TTN: variants seen among roughly 807,000 people sequenced by gnomAD.
TTN encodes the protein titin, also known as connectin.
A neutral mutation model predicts 3,223.0 loss-of-function variants in TTN; 1,525 were observed. The observed-to-expected ratio is 0.47, with a 90% CI of 0.45 to 0.49. The LOEUF (loss-of-function observed/expected upper bound fraction) is 0.49. Ranked by LOEUF, TTN falls within the 20% of genes least tolerant of loss-of-function variation. The pLI is 0.00. For missense variants in TTN, 40,786 were observed against 43,424.0 expected (o/e 0.94, Z 5.40); for synonymous variants, 14,094 against 15,161.0 (o/e 0.93, Z 5.17).
intron 326 of TTN, among the ~76,000 whole-genome samples, 185 bp downstream of exon 326, chr2:178,559,125 GT>G (rs1394918001): frequency 6.6e-6 from 1 of 151,664 alleles, no homozygotes; most frequent in African/African-American, 2.4e-5. Flanking sequence ...GTAAATTTCT[GT>G]TTTTTTAATC....
intron 307 of TTN, 78 bp from the exon 308 acceptor site, chr2:178,586,885 A>C: frequency 6.5e-7 from 1 of 1,548,064 alleles, no homozygotes; most frequent in Non-Finnish European, 8.7e-7. Context: ...TAAGAGTTTT[A>C]GTATGGATTT....
Position 178,732,609 on chromosome 2 carries a change from A to G in TTN, c.16452T>C (p.Phe5484=), listed in dbSNP as rs1310042942. 1 of 1,613,600 alleles carries G rather than the reference A, an allele frequency of 6.2e-7. No homozygotes were observed. Among genetic ancestry groups the G allele is most frequent in the South Asian group, 1.1e-5 (1 of 91,068 alleles). ...QGSTPLTIRW[F]KGNKELVSGG... Reference sequence around the variant, plus strand: ...CAGAAACCAGCTCTTTGTTGCCCTTAAACCATCTGATTGTGAGAGGAGTAG... The same window carrying G: ...CAGAAACCAGCTCTTTGTTGCCCTTGAACCATCTGATTGTGAGAGGAGTAG... The change falls in exon 56 of 363, where the codon TTT becomes TTC. Residue 5484 remains phenylalanine (F), a synonymous_variant. Coordinates refer to ENST00000589042, the MANE Select transcript of TTN (RefSeq NM_001267550.2).
chr2:178,673,315 G>A (rs1007467007), intron 152 of TTN, among the ~76,000 whole-genome samples: 10 of 151,702 alleles, frequency 6.6e-5, no homozygotes, highest in African/African-American at 2.4e-4. Context: ...AGAAAACTCC[G>A]TTCCACTTAT....
rs768519558 is a variant in TTN at position 178,728,923 on chromosome 2, A to C, written c.19115T>G (p.Val6372Gly). 6.2e-7 allele frequency: 1 copy of C among 1,609,348 alleles called. No homozygotes were observed. Among genetic ancestry groups the C allele is most frequent in the East Asian group, 2.2e-5 (1 of 44,722 alleles). Residue 6372 changes from valine (V) to glycine (G), a missense_variant, in exon 65 of 363, where the codon GTT (valine) becomes GGT (glycine). Coordinates refer to ENST00000589042, the MANE Select transcript of TTN (RefSeq NM_001267550.2). ...YTCQAKNESG[V>G]ERCYAFLLVQ... ...TAAAAGGAAAGCATAACACCTCTCAACTCCTGACTCATTCTTGGCTTGACA... is the reference window on the plus strand; with the variant it reads ...TAAAAGGAAAGCATAACACCTCTCACCTCCTGACTCATTCTTGGCTTGACA...
In TTN at chr2:178,573,732, C is replaced by A; in HGVS notation, c.72400G>T (p.Glu24134Ter). The part of the protein sequence containing the change: ...GPPEGPLAVT[E>*]VTSEKCVLSW... ...AGTACACACTTTTCTGATGTCACTTCAGTTACAGCCAAAGGTCCTTCAGGT... is the reference window on the plus strand; with the variant it reads ...AGTACACACTTTTCTGATGTCACTTAAGTTACAGCCAAAGGTCCTTCAGGT... The change falls in exon 326 of 363, where the codon GAA becomes TAA. Residue 24134 changes from glutamate (E) to a stop codon, truncating the protein, a stop_gained. Coordinates refer to ENST00000589042, the MANE Select transcript of TTN (RefSeq NM_001267550.2). LOFTEE classifies it high-confidence loss of function. 1 of 1,558,084 alleles carries A rather than the reference C, an allele frequency of 6.4e-7. No homozygotes were observed. The highest frequency in any genetic ancestry group is 1.2e-5 in the South Asian group (1 of 80,634).
At chr2:178,799,301 C>T (rs2093929702) in intron 6 of TTN, 186 bp downstream of exon 6, 2 of 865,268 alleles carry the variant, frequency 2.3e-6, no homozygotes, top group Non-Finnish European at 3.5e-6. Context: ...GCTGGATGTC[C>T]AGAGGAACAC....
At position 178,550,161 on chromosome 2, in the gene TTN, A is replaced by C. The variant is rs771024334; in HGVS notation, c.91677T>G (p.Thr30559=). 1 of 1,613,686 alleles carries C rather than the reference A, an allele frequency of 6.2e-7. No homozygotes were observed. The part of the protein sequence containing the change: ...LVQGRPVPRV[T]WFKDGVEIEK... Reference sequence around the variant, plus strand: ...CGATTTCCACTCCATCTTTGAACCAAGTTACTCGAGGCACTGGTCTTCCTT... The same window carrying C: ...CGATTTCCACTCCATCTTTGAACCACGTTACTCGAGGCACTGGTCTTCCTT... The change falls in exon 337 of 363, where the codon ACT becomes ACG. Residue 30559 remains threonine (T), a synonymous_variant. Transcript: ENST00000589042.
intron 47 of TTN, chr2:178,743,020 T>C (rs2082773557): frequency 6.6e-6 from 1 of 152,060 alleles, no homozygotes; most frequent in African/African-American, 2.4e-5. Context: ...TTTTACATAT[T>C]AATGGTGATC....
chr2:178,644,726 T>C (rs558518768), intron 217 of TTN, 110 bp from the exon 218 acceptor site: 2 of 804,116 alleles, frequency 2.5e-6, no homozygotes, highest in African/African-American at 1.8e-5. Context: ...CCAGAAAGCA[T>C]TAATAACAGC....
rs376050991 is a variant in TTN at position 178,639,771 on chromosome 2, G to A, written c.40804C>T (p.Pro13602Ser). The A allele has an allele frequency of 9.4e-6, 15 of 1,596,860 alleles. No homozygotes were observed. The highest frequency in any genetic ancestry group is 1.3e-5 in the Non-Finnish European group (15 of 1,173,498). ...KPEAEVKTIK[P>S]PPVEPEPTPI... is the part of the protein sequence containing the mutation. Reference sequence around the variant, plus strand: ...GTTGGTTCAGGTTCCACAGGAGGTGGTTTGATTGTTTTCACTTCTGTAGAG... The same window carrying A: ...GTTGGTTCAGGTTCCACAGGAGGTGATTTGATTGTTTTCACTTCTGTAGAG... The change falls in exon 223 of 363, where the codon CCA becomes TCA. Residue 13602 changes from proline to serine, a missense_variant. Coordinates refer to ENST00000589042, the MANE Select transcript of TTN (RefSeq NM_001267550.2).
chr2:178,562,346 C>T lies in TTN; in HGVS notation c.83786G>A (p.Gly27929Glu), dbSNP rs1273912998. ...LEATISGLTA[G>E]EEYVFRVAAV... ...AGCTACCCTGAAGACATACTCTTCTCCTGCAGTTAAGCCAGATATAGTTGC... is the reference window on the plus strand; with the variant it reads ...AGCTACCCTGAAGACATACTCTTCTTCTGCAGTTAAGCCAGATATAGTTGC... The change falls in exon 326 of 363, where the codon GGA (glycine) becomes GAA (glutamate). Residue 27929 changes from glycine (G) to glutamate (E), a missense_variant. Coordinates refer to ENST00000589042, the MANE Select transcript of TTN (RefSeq NM_001267550.2). 9.9e-6 allele frequency: 16 copies of T among 1,611,198 alleles called. No individual in the cohort carries two copies. Among genetic ancestry groups the T allele is most frequent in the Admixed American group, 1.7e-5 (1 of 59,702 alleles).
chr2:178,558,011 A>C lies in TTN; in HGVS notation c.87343T>G (p.Tyr29115Asp). Residue 29115 changes from tyrosine (Y) to aspartate (D), a missense_variant, in exon 328 of 363, where the codon TAT becomes GAT. Coordinates refer to ENST00000589042, the MANE Select transcript of TTN (RefSeq NM_001267550.2). ...KESVTADAGR[Y>D]EITAANSSGT... ...CTGGAGTTGGCAGCAGTGATTTCAT[A>C]TCTCCCAGCGTCAGCTGTAACACTT... 1 of 1,613,852 alleles carries C rather than the reference A, an allele frequency of 6.2e-7. No individual in the cohort carries two copies. The highest frequency in any genetic ancestry group is 8.5e-7 in the Non-Finnish European group (1 of 1,179,840).
At position 178,541,372 on chromosome 2, in the gene TTN, C is replaced by G. The variant is rs760105762; in HGVS notation, c.97705G>C (p.Glu32569Gln). ...YRSTGLTEGL[E>Q]YEHRVTAINA... ...ATGGCTGTGACACGGTGTTCATATT[C>G]TAAGCCTTCAGTAAGGCCAGTGGAG... Residue 32569 changes from glutamate to glutamine, a missense_variant, in exon 350 of 363, where the codon GAA becomes CAA. By Grantham distance (29) the Glu-to-Gln change is conservative. Transcript: ENST00000589042. 2 of 1,606,758 alleles carry G rather than the reference C, an allele frequency of 1.2e-6. No homozygotes were observed. The highest frequency in any genetic ancestry group is 1.7e-6 in the Non-Finnish European group (2 of 1,176,136).
In TTN at chr2:178,652,720, T is replaced by C. The variant is rs1306731660; in HGVS notation, c.38976A>G (p.Lys12992=). 6.2e-7 allele frequency: 1 copy of C among 1,613,208 alleles called. No individual in the cohort carries two copies. Among genetic ancestry groups the C allele is most frequent in the South Asian group, 1.1e-5 (1 of 91,028 alleles). ...VPPVKVPEAP[K]EVVPEKKVPS... Reference sequence around the variant, plus strand: ...GCACTTTCTTTTCAGGAACAACCTCTTTGGGAGCCTCTGGTACTTAAAAGA... The same window carrying C: ...GCACTTTCTTTTCAGGAACAACCTCCTTGGGAGCCTCTGGTACTTAAAAGA... The change falls in exon 201 of 363, where the codon AAA becomes AAG. Residue 12992 remains lysine (K), a synonymous_variant. Coordinates refer to ENST00000589042, the MANE Select transcript of TTN (RefSeq NM_001267550.2).
chr2:178,645,226 CATT>C, intron 217 of TTN: 1 of 151,926 alleles, frequency 6.6e-6, no homozygotes, highest in Non-Finnish European at 1.5e-5. Flanking sequence ...AATTAAGTAA[CATT>C]GTGTCAATTC....
At chr2:178,585,446 A>G (rs569260176) in intron 308 of TTN, 99 bp from the exon 309 acceptor site, 2 of 1,286,736 alleles carry the variant, frequency 1.6e-6, no homozygotes, top group African/African-American at 1.5e-5. Context: ...ATTACCACCA[A>G]TTTTTTTTAA....
chr2:178,596,269 G>C (rs1414830484), intron 294 of TTN, among the ~76,000 whole-genome samples: 2 of 151,952 alleles, frequency 1.3e-5, no homozygotes, highest in Non-Finnish European at 2.9e-5. Context: ...GGGATTACAG[G>C]TGTGAGCCAT....
chr2:178,688,545 C>T (rs563423760), intron 126 of TTN, 132 bp downstream of exon 126: 42 of 698,818 alleles, frequency 6.0e-5, no homozygotes, highest in Non-Finnish European at 1.0e-4. Context: ...AAGGTAGACA[C>T]ATTCTAATAC....
rs760089869 is a variant in TTN, at chr2:178,667,650, T to C, written c.35617A>G (p.Lys11873Glu). The C allele has an allele frequency of 7.1e-5, 113 of 1,596,886 alleles. 1 individual carries two copies. In the East Asian group the frequency reaches 2.5e-3, roughly 35 times the overall value. The change falls in exon 160 of 363, where the codon AAA becomes GAA. Residue 11873 changes from lysine (K) to glutamate (E), a missense_variant. Lys to Glu is a moderately conservative substitution (Grantham distance 56, BLOSUM62 1). Coordinates refer to ENST00000589042, the MANE Select transcript of TTN (RefSeq NM_001267550.2). The part of the protein sequence containing the change: ...LVTQPQKTKP[K>E]LAKVPEPPKK... ...TGGTGTTATATACCTTTTGCTAGTT[T>C]GGGTTTTGTCTTTTGAGGTTGAGTC...
Sources: allele counts gnomAD v4.1 joint callset (sites outside exome capture counted in the v4.1 genomes callset), GRCh38; gene constraint gnomAD v4.1.1; transcripts MANE v1.5; gene names NCBI Gene and HGNC (gene_info 2026-07-23, HGNC 2026-07-21).